Variants in DST observed in about 807,000 individuals in gnomAD.
DST encodes the protein dystonin.
In DST, 253 loss-of-function variants were observed where a neutral mutation model predicts 875.2. That is an observed-to-expected ratio of 0.29 (90% confidence interval 0.26 to 0.32). The LOEUF (loss-of-function observed/expected upper bound fraction) is 0.32, where lower values mean the gene tolerates loss of function less well. Ranked by LOEUF, DST falls within the 10% of genes least tolerant of loss-of-function variation. The pLI is 1.00. For missense variants in DST, 8,287 were observed against 9,111.6 expected (o/e 0.91, Z 3.68); for synonymous variants, 3,124 against 3,197.1 (o/e 0.98, Z 0.77).
chr6:56,613,872 T>C (rs970741862), intron 37 of DST, among the ~76,000 whole-genome samples: 2 of 152,168 alleles, frequency 1.3e-5, no homozygotes, highest in African/African-American at 4.8e-5. Context: ...CCTTATGAGA[T>C]AGAAAAGACC....
At chr6:56,529,889 CA>C in intron 65 of DST, 84 bp downstream of exon 65, 1 of 1,515,596 alleles carries the variant, frequency 6.6e-7, no homozygotes, top group Non-Finnish European at 8.9e-7. Context: ...TGCAATTAAA[CA>C]AAACAATAGT....
At position 56,940,698 on chromosome 6, in the gene DST, G is replaced by C. The variant is rs10223819; in HGVS notation, c.216+13087C>G. ...GGGCTCAAGAGATCCTCCCACCTCA[G>C]CCTCTGGAGTAGCTGGGACTGCAGG... On this transcript the variant is annotated intron_variant, in intron 2 of 103. Transcript: ENST00000680361. Among the ~76,000 whole-genome samples the C allele has an allele frequency of 5.0e-3, 765 of 151,848 alleles. 7 individuals carry two copies. Among genetic ancestry groups the C allele is most frequent in the African/African-American group, 0.018 (735 of 41,408 alleles).
At chr6:56,602,832 A>C in intron 43 of DST, 50 bp downstream of exon 43, 1 of 1,348,574 alleles carries the variant, frequency 7.4e-7, no homozygotes, top group Non-Finnish European at 9.8e-7. Flanking sequence ...GTTATATATT[A>C]AAGTCATAGT....
At chr6:56,585,026 G>T in intron 49 of DST, among the ~76,000 whole-genome samples, 1 of 150,822 alleles carries the variant, frequency 6.6e-6, no homozygotes, top group Non-Finnish European at 1.5e-5. Context: ...TTGCATCAAT[G>T]TTCATCAAGG....
At chr6:56,918,166 AC>A (rs1172374583) in intron 2 of DST, among the ~76,000 whole-genome samples, 1 of 146,330 alleles carries the variant, frequency 6.8e-6, no homozygotes, top group African/African-American at 2.6e-5. Context: ...TTGCTTTGTC[AC>A]CCAAGCTGGA....
intron 10 of DST, among the ~76,000 whole-genome samples, chr6:56,668,329 T>C (rs1208596556): frequency 6.6e-6 from 1 of 152,154 alleles, no homozygotes; most frequent in Non-Finnish European, 1.5e-5. Context: ...TTTAAACAAG[T>C]GTAGGCAAGT....
At chr6:56,894,532 T>C in intron 3 of DST, among the ~76,000 whole-genome samples, 1 of 56,064 alleles carries the variant, frequency 1.8e-5, no homozygotes, top group Non-Finnish European at 3.1e-5. Flanking sequence ...GGCGGGGGGC[T>C]GACCCCCCCC....
At chr6:56,504,170 A>C in intron 77 of DST, 72 bp from the exon 78 acceptor site, 2 of 878,756 alleles carry the variant, frequency 2.3e-6, no homozygotes. Context: ...CAAGTACTAC[A>C]GAAAAATACA....
At chr6:56,587,484 T>C (rs989169223) in intron 49 of DST, among the ~76,000 whole-genome samples, 2 of 152,090 alleles carry the variant, frequency 1.3e-5, no homozygotes, top group Non-Finnish European at 2.9e-5. Context: ...TGGAAAACAC[T>C]CTGCAGGATA....
chr6:56,634,085 A>G, intron 27 of DST, 47 bp downstream of exon 27: 2 of 1,608,604 alleles, frequency 1.2e-6, no homozygotes, highest in Non-Finnish European at 1.7e-6. Context: ...ATGAAAAGGC[A>G]TGCACATTTT....
At chr6:56,838,384 C>T (rs2099796153) in intron 4 of DST, among the ~76,000 whole-genome samples, 1 of 152,208 alleles carries the variant, frequency 6.6e-6, no homozygotes, top group African/African-American at 2.4e-5. Flanking sequence ...AGCCAGGATC[C>T]TGAGGCACAT....
chr6:56,496,825 T>C (rs1411764080), intron 82 of DST, among the ~76,000 whole-genome samples: 1 of 152,154 alleles, frequency 6.6e-6, no homozygotes, highest in African/African-American at 2.4e-5. Flanking sequence ...CATGGAATAC[T>C]ATGCAGCCAT....
intron 4 of DST, among the ~76,000 whole-genome samples, chr6:56,767,813 C>T (rs376167212): frequency 7.2e-5 from 11 of 151,964 alleles, no homozygotes; most frequent in African/African-American, 2.7e-4. Context: ...AGGGGGGCAT[C>T]TGAATAAGAC....
At chr6:56,757,858 G>T (rs926336271) in intron 4 of DST, among the ~76,000 whole-genome samples, 11 of 152,074 alleles carry the variant, frequency 7.2e-5, no homozygotes, top group Non-Finnish European at 1.3e-4. Context: ...GCCTCCTGCT[G>T]GACTTCTCTC....
rs376310512 is a variant in DST, at chr6:56,478,867, T to C, written c.21532-1379A>G. ...TCTGGACATCGGCCTAGGCAAAGAATTTATGACAAAGATCCCAAAAGCAAA... is the reference window on the plus strand; with the variant it reads ...TCTGGACATCGGCCTAGGCAAAGAACTTATGACAAAGATCCCAAAAGCAAA... On this transcript the variant is annotated intron_variant, in intron 90 of 103. Coordinates refer to ENST00000680361, the MANE Select transcript of DST (RefSeq NM_001374736.1). Among the ~76,000 whole-genome samples the C allele has an allele frequency of 9.2e-5, 14 of 152,298 alleles. No homozygotes were observed. The East Asian group carries it at 1.9e-3, about 21-fold the overall frequency.
intron 49 of DST, among the ~76,000 whole-genome samples, chr6:56,585,558 T>C (rs549331944): frequency 8.5e-5 from 13 of 152,300 alleles, no homozygotes; most frequent in South Asian, 4.1e-4. Flanking sequence ...CCTGGATTCA[T>C]TGATCTTTTG....
At chr6:56,875,253 G>C (rs1779167001) in intron 3 of DST, among the ~76,000 whole-genome samples, 2 of 152,174 alleles carry the variant, frequency 1.3e-5, no homozygotes, top group South Asian at 4.1e-4. Flanking sequence ...CAAAGTGCTG[G>C]GATTACAGGC....
intron 3 of DST, among the ~76,000 whole-genome samples, chr6:56,887,220 A>C (rs1343763787): frequency 6.6e-6 from 1 of 152,254 alleles, no homozygotes; most frequent in Non-Finnish European, 1.5e-5. Context: ...ATGAGCTCTA[A>C]GATCCCCTCA....
At chr6:56,567,659 A>G (rs2097703401) in intron 55 of DST, among the ~76,000 whole-genome samples, 1 of 152,252 alleles carries the variant, frequency 6.6e-6, no homozygotes, top group Admixed American at 6.5e-5. Context: ...AATAGGATTA[A>G]TAGAGTGGAA....
Sources: gnomAD v4.1 joint callset for allele counts (sites outside exome capture counted in the v4.1 genomes callset) on GRCh38, gnomAD v4.1.1 for gene constraint, MANE v1.5 for transcripts, NCBI Gene and HGNC (gene_info 2026-07-23, HGNC 2026-07-21) for gene names.